HSPA12A: variants seen among roughly 807,000 people sequenced by gnomAD.
HSPA12A encodes the protein heat shock 70 kDa protein 12A.
HSPA12A carries 28 observed loss-of-function variants against 69.2 expected under a neutral mutation model. That is an observed-to-expected ratio of 0.40 (90% CI 0.30 to 0.55). The LOEUF is 0.55. Ranked by LOEUF, HSPA12A falls within the 20% of genes least tolerant of loss-of-function variation. The pLI is 0.38. For synonymous variants in HSPA12A, 345 were observed against 370.5 expected (o/e 0.93, Z 0.79); for missense variants, 686 against 900.7 (o/e 0.76, Z 3.05).
At chr10:116,838,834 C>T (rs1845758547) in intron 1 of HSPA12A, among the ~76,000 whole-genome samples, 1 of 152,216 alleles carries the variant, frequency 6.6e-6, no homozygotes, top group South Asian at 2.1e-4. Flanking sequence ...GATGAGAATT[C>T]TAACCCGGGC....
intron 2 of HSPA12A, among the ~76,000 whole-genome samples, chr10:116,791,694 A>T (rs527349737): frequency 6.6e-6 from 1 of 152,156 alleles, no homozygotes; most frequent in East Asian, 1.9e-4. Flanking sequence ...CTCAGCCCCC[A>T]TTTTCCCTAA....
chr10:116,770,945 C>T (rs782510632), intron 2 of HSPA12A, among the ~76,000 whole-genome samples: 4 of 149,442 alleles, frequency 2.7e-5, no homozygotes, highest in Admixed American at 1.3e-4. Context: ...TTGGCTGCTG[C>T]GGGCTGTGTG....
At chr10:116,849,490 C>A (rs1845986421) in intron 1 of HSPA12A, 1 of 1,426,008 alleles carries the variant, frequency 7.0e-7, no homozygotes, top group Non-Finnish European at 9.2e-7. Flanking sequence ...GTCGGGATCA[C>A]GTTGCGTTGC....
intron 1 of HSPA12A, among the ~76,000 whole-genome samples, chr10:116,728,484 G>C (rs1375616263): frequency 6.6e-6 from 1 of 152,126 alleles, no homozygotes; most frequent in African/African-American, 2.4e-5. Context: ...ATTTAGCTTC[G>C]TGCAAACCTG....
intron 2 of HSPA12A, among the ~76,000 whole-genome samples, chr10:116,806,805 G>A (rs184380035): frequency 1.9e-4 from 29 of 152,322 alleles, no homozygotes; most frequent in Admixed American, 3.3e-4. Context: ...GGATTGACCC[G>A]TGGCCCCCCA....
intron 1 of HSPA12A, among the ~76,000 whole-genome samples, chr10:116,734,597 T>C (rs1283140954): frequency 6.7e-6 from 1 of 150,272 alleles, no homozygotes; most frequent in East Asian, 2.0e-4. Flanking sequence ...AATGGAACAA[T>C]ACTAAAACAG....
chr10:116,849,752 C>G (rs1589742608), upstream of HSPA12A: 1 of 1,490,678 alleles, frequency 6.7e-7, no homozygotes, highest in South Asian at 1.3e-5. Flanking sequence ...GGGACAAGCG[C>G]TCTCCTCCCG....
intron 1 of HSPA12A, among the ~76,000 whole-genome samples, chr10:116,726,103 A>T: frequency 6.6e-6 from 1 of 150,810 alleles, no homozygotes. Flanking sequence ...ATGGTTCTCT[A>T]CCCAATCCTA....
Position 116,708,716 on chromosome 10 carries a change from G to A in HSPA12A, c.41-1431C>T, listed in dbSNP as rs563311925. Among the ~76,000 whole-genome samples the A allele has an allele frequency of 2.2e-4, 33 of 152,218 alleles. No individual in the cohort carries two copies. The South Asian group carries it at 6.4e-3, about 30-fold the overall frequency. Reference sequence around the variant, plus strand: ...AATTACAGAGGCAAAAATCCAACTCGCTGGGTAAAGGACTTGAATAGACAT... The same window carrying A: ...AATTACAGAGGCAAAAATCCAACTCACTGGGTAAAGGACTTGAATAGACAT... On this transcript the variant is annotated intron_variant, in intron 1 of 11. Coordinates refer to ENST00000369209, the MANE Select transcript of HSPA12A (RefSeq NM_025015.3).
chr10:116,841,850 C>T (rs1845806998), intron 1 of HSPA12A, among the ~76,000 whole-genome samples: 1 of 151,550 alleles, frequency 6.6e-6, no homozygotes, highest in African/African-American at 2.4e-5. Flanking sequence ...TAGCTGCCAA[C>T]TCTAAAAGAC....
At chr10:116,730,376 G>A (rs910278230) in intron 1 of HSPA12A, among the ~76,000 whole-genome samples, 11 of 152,210 alleles carry the variant, frequency 7.2e-5, no homozygotes, top group Admixed American at 1.3e-4. Context: ...AGGTATGGGA[G>A]CCAGGACCCA....
chr10:116,773,961 T>G (rs1038000492), intron 2 of HSPA12A, among the ~76,000 whole-genome samples: 9 of 152,088 alleles, frequency 5.9e-5, no homozygotes, highest in Admixed American at 2.0e-4. Context: ...CTCTTTGGTC[T>G]TGAGTGGCAT....
At chr10:116,844,736 AAAG>A (rs1453371672) in intron 1 of HSPA12A, among the ~76,000 whole-genome samples, 3 of 152,336 alleles carry the variant, frequency 2.0e-5, no homozygotes, top group African/African-American at 7.2e-5. Context: ...CAAGTGTGGG[AAAG>A]AAGAATTAAC....
intron 2 of HSPA12A, among the ~76,000 whole-genome samples, chr10:116,786,985 C>G (rs940403663): frequency 1.7e-5 from 1 of 58,840 alleles, no homozygotes; most frequent in Non-Finnish European, 5.0e-5. Context: ...ACCTCCCGGA[C>G]ACACACACAC....
chr10:116,771,097 T>C (rs1844196968), intron 2 of HSPA12A, among the ~76,000 whole-genome samples: 1 of 152,108 alleles, frequency 6.6e-6, no homozygotes, highest in African/African-American at 2.4e-5. Flanking sequence ...AACCCTGGAC[T>C]GTGGCTCCCG....
chr10:116,717,624 T>C (rs977216812), intron 1 of HSPA12A, among the ~76,000 whole-genome samples: 1 of 152,130 alleles, frequency 6.6e-6, no homozygotes, highest in South Asian at 2.1e-4. Flanking sequence ...ATCTGGCTCA[T>C]GGCAAGCACC....
rs143215076 is a variant in HSPA12A, at chr10:116,813,782, G to T, written c.91+21153C>A. ...ACCTGTAGTCCCAGCTACTTGGGAGGCTGAGGTAAGGGAATCACTTGACCC... is the reference window on the plus strand; with the variant it reads ...ACCTGTAGTCCCAGCTACTTGGGAGTCTGAGGTAAGGGAATCACTTGACCC... On this transcript the variant is annotated intron_variant, in intron 2 of 12. Coordinates refer to the HSPA12A transcript ENST00000635765. 9.1e-3 allele frequency among the ~76,000 whole-genome samples: 1,390 copies of T among 152,234 alleles called. 18 individuals carry two copies. The highest frequency in any genetic ancestry group is 0.031 in the African/African-American group (1,302 of 41,554).
chr10:116,824,557 A>T (rs1360119515), intron 2 of HSPA12A, among the ~76,000 whole-genome samples: 2 of 152,240 alleles, frequency 1.3e-5, no homozygotes. Flanking sequence ...GAATATTATC[A>T]TTATCCAGCA....
In HSPA12A at chr10:116,796,163, A is replaced by AAAAAAAG. The variant is rs1414051045; in HGVS notation, c.91+38771_91+38772insCTTTTTT. ...ACTCCATCAAAAAAAAAAAAAAAAA[A>AAAAAAAG]AAAGAAAGAAAGAAGAAAATTAAAT... On this transcript the variant is annotated intron_variant, in intron 2 of 12. Coordinates refer to the HSPA12A transcript ENST00000635765. 4.5e-4 allele frequency among the ~76,000 whole-genome samples: 62 copies of AAAAAAAG among 138,876 alleles called. 1 individual carries two copies. The highest frequency in any genetic ancestry group is 1.4e-3 in the African/African-American group (46 of 31,878). 91.1% of individuals were successfully genotyped at this position (138,876 alleles called of 152,430 possible). A position where few individuals can be genotyped will look rare whatever the true frequency, so the allele number is the denominator to read the frequency against.
Sources: allele counts gnomAD v4.1 joint callset (sites outside exome capture counted in the v4.1 genomes callset), GRCh38; gene constraint gnomAD v4.1.1; transcripts MANE v1.5; gene names NCBI Gene and HGNC (gene_info 2026-07-23, HGNC 2026-07-21).